LATS1: variants seen among roughly 807,000 people sequenced by gnomAD.
LATS1 encodes the protein large tumor suppressor kinase 1.
LATS1 carries 25 observed loss-of-function variants against 106.6 expected under a neutral mutation model. That is an observed-to-expected ratio of 0.23 (90% CI 0.17 to 0.33). The LOEUF (loss-of-function observed/expected upper bound fraction) is 0.33, where lower values mean the gene tolerates loss of function less well. Ranked by LOEUF, LATS1 falls within the 10% of genes least tolerant of loss-of-function variation. LATS1 has a pLI of 1.00. For missense variants in LATS1, 1,040 were observed against 1,382.6 expected (o/e 0.75, Z 3.93); for synonymous variants, 465 against 455.6 (o/e 1.02, Z -0.26).
At chr6:149,714,388 T>C (rs190204984) in intron 1 of LATS1, among the ~76,000 whole-genome samples, 28 of 152,328 alleles carry the variant, frequency 1.8e-4, no homozygotes, top group Middle Eastern at 3.4e-3. Flanking sequence ...GATGATACCA[T>C]GCCTGGTCCA....
Position 149,679,954 on chromosome 6 carries a change from A to G in LATS1, c.2514T>C (p.Arg838=). The G allele has an allele frequency of 1.2e-6, 2 of 1,614,112 alleles. No homozygotes were observed. Among genetic ancestry groups the G allele is most frequent in the Non-Finnish European group, 1.7e-6 (2 of 1,179,962 alleles). The change falls in exon 5 of 8, where the codon CGT becomes CGC. Residue 838 remains arginine (R), a synonymous_variant. Coordinates refer to ENST00000543571, the MANE Select transcript of LATS1 (RefSeq NM_004690.4). ...AGTCAGTCAATTTAATATGACCATC[A>G]CGATCAATCAAAATATTATCAGGTT... The part of the protein sequence containing the change: ...DIKPDNILID[R]DGHIKLTDFG...
intron 2 of LATS1, among the ~76,000 whole-genome samples, chr6:149,699,902 T>C (rs1783357320): frequency 1.3e-5 from 2 of 152,194 alleles, no homozygotes; most frequent in Non-Finnish European, 2.9e-5. Flanking sequence ...ATTTCATAAC[T>C]TCTCTTTGCT....
At chr6:149,690,513 T>C (rs959980723) in intron 3 of LATS1, among the ~76,000 whole-genome samples, 2 of 151,680 alleles carry the variant, frequency 1.3e-5, no homozygotes, top group Non-Finnish European at 2.9e-5. Context: ...GTGCCCAGCC[T>C]CAACTTATAT....
chr6:149,682,875 G>T, intron 4 of LATS1: 2 of 556,134 alleles, frequency 3.6e-6, no homozygotes, highest in South Asian at 3.2e-5. Flanking sequence ...TTTATTATAG[G>T]AAATTCTGAA....
intron 7 of LATS1, among the ~76,000 whole-genome samples, chr6:149,666,719 G>C (rs566305098): frequency 3.9e-5 from 6 of 152,082 alleles, no homozygotes; most frequent in South Asian, 2.1e-4. Flanking sequence ...GAGGTGGGCA[G>C]ATCACGAGGT....
Position 149,684,276 on chromosome 6 carries a change from G to C in LATS1, c.813C>G (p.Asn271Lys). Residue 271 changes from asparagine to lysine, a missense_variant, in exon 4 of 8, where the codon AAC (asparagine) becomes AAG (lysine). Physicochemically the swap from Asn to Lys is moderately conservative, Grantham distance 94. Around this residue, in one of 7 missense-constraint regions of LATS1, gnomAD observed 624 missense variants for 714.8 expected, o/e 0.87. Transcript: ENST00000543571. ...TTCCAGAATAGCGCTTTGTTTGAGA[G>C]TTTGGTTCCCATGAAGGGGGAGGTG... ...TTPPPPSWEP[N>K]SQTKRYSGNM... 1 of 1,613,980 alleles carries C rather than the reference G, an allele frequency of 6.2e-7. No individual in the cohort carries two copies. The highest frequency in any genetic ancestry group is 8.5e-7 in the Non-Finnish European group (1 of 1,179,992).
rs1416523866 is a variant in LATS1, at chr6:149,659,574, T to C, written c.*2155A>G. ...GGAGGAGACAGCACCTTAGTTTTCC[T>C]ACAACATAAATGTAACAAAGTTATC... On this transcript the variant is annotated 3_prime_UTR_variant, in exon 8 of 8. Coordinates refer to ENST00000543571, the MANE Select transcript of LATS1 (RefSeq NM_004690.4). 2.6e-5 allele frequency: 6 copies of C among 231,030 alleles called. No individual in the cohort carries two copies. The East Asian group carries it at 3.7e-4, about 14-fold the overall frequency. 14.3% of individuals were successfully genotyped at this position (231,030 alleles called of 1,614,324 possible). A position where few individuals can be genotyped will look rare whatever the true frequency, so the allele number is the denominator to read the frequency against.
At position 149,701,925 on chromosome 6, in the gene LATS1, G is replaced by C. The variant is rs1783484766; in HGVS notation, c.202C>G (p.Pro68Ala). Residue 68 changes from proline (P) to alanine (A), a missense_variant, in exon 2 of 8, where the codon CCA (proline) becomes GCA (alanine). Physicochemically the swap from Pro to Ala is conservative, Grantham distance 27. This residue lies in a region of LATS1 where 624 missense variants were observed against 714.8 expected (regional missense o/e 0.87). Transcript: ENST00000543571. ...TTATGATGCGTCCCAAATTTGGGTG[G>C]ATTTCTGACTTGTCGAGGATCTTCG... is the stretch of plus-strand genomic sequence containing the variant. ...STEDPRQVRN[P>A]PKFGTHHKAL... 6.2e-7 allele frequency: 1 copy of C among 1,614,012 alleles called. No homozygotes were observed. The highest frequency in any genetic ancestry group is 8.5e-7 in the Non-Finnish European group (1 of 1,180,014).
At chr6:149,702,972 CT>C (rs1438889104) in intron 1 of LATS1, among the ~76,000 whole-genome samples, 71 of 143,832 alleles carry the variant, frequency 4.9e-4, no homozygotes, top group Middle Eastern at 3.6e-3. Flanking sequence ...CGTGCCCAGC[CT>C]TTTTTTTTTT....
At chr6:149,676,505 T>C in intron 6 of LATS1, 50 bp downstream of exon 6, 1 of 1,559,914 alleles carries the variant, frequency 6.4e-7, no homozygotes, top group Non-Finnish European at 8.8e-7. Flanking sequence ...TAGTGTCGTT[T>C]TGGCTGGTCT....
At chr6:149,702,647 T>C (rs1783527957) in intron 1 of LATS1, among the ~76,000 whole-genome samples, 3 of 152,030 alleles carry the variant, frequency 2.0e-5, no homozygotes, top group Admixed American at 6.6e-5. Context: ...TAGAAGGGTA[T>C]TGTTGCTTTA....
Position 149,697,062 on chromosome 6 carries a change from G to A in LATS1, c.349-1841C>T, listed in dbSNP as rs776457889. ...TATCATGCAGAAAGTATGTTGACATGCATTTTTCAAGAGGGAGGCAACTAC... is the reference window on the plus strand; with the variant it reads ...TATCATGCAGAAAGTATGTTGACATACATTTTTCAAGAGGGAGGCAACTAC... On this transcript the variant is annotated intron_variant, in intron 2 of 7. Coordinates refer to ENST00000543571, the MANE Select transcript of LATS1 (RefSeq NM_004690.4). 15 of 884,560 alleles carry A rather than the reference G, an allele frequency of 1.7e-5. No individual in the cohort carries two copies. The African/African-American group carries it at 2.6e-4, about 15-fold the overall frequency. 54.8% of individuals were successfully genotyped at this position (884,560 alleles called of 1,614,324 possible). A position where few individuals can be genotyped will look rare whatever the true frequency, so the allele number is the denominator to read the frequency against.
Position 149,683,514 on chromosome 6 carries a change from T to C in LATS1, c.1575A>G (p.Gln525=), listed in dbSNP as rs748120476. 2 of 1,614,202 alleles carry C rather than the reference T, an allele frequency of 1.2e-6. No individual in the cohort carries two copies. The highest frequency in any genetic ancestry group is 2.2e-5 in the East Asian group (1 of 44,894). ...CAGGAAAAGGACTGGGTTGAACAGT[T>C]TGAATTGGCTGTGGTATCCAAGAAG... ...THPSWIPQPI[Q]TVQPSPFPEG... is the part of the protein sequence containing the mutation. Residue 525 remains glutamine (Q), a synonymous_variant, in exon 4 of 8, where the codon CAA becomes CAG. Coordinates refer to ENST00000543571, the MANE Select transcript of LATS1 (RefSeq NM_004690.4).
intron 3 of LATS1, among the ~76,000 whole-genome samples, chr6:149,690,213 CTTTTT>C (rs201743580): frequency 8.0e-6 from 1 of 125,476 alleles, no homozygotes; most frequent in South Asian, 2.5e-4. Flanking sequence ...TTCTTTTTTT[CTTTTT>C]TTTTTTTTTT....
chr6:149,688,805 C>T (rs1040384694), intron 3 of LATS1, among the ~76,000 whole-genome samples: 1 of 152,126 alleles, frequency 6.6e-6, no homozygotes, highest in African/African-American at 2.4e-5. Context: ...ACATAAATGG[C>T]ATCAAATGAT....
At chr6:149,672,847 G>A (rs1781512190) in intron 7 of LATS1, among the ~76,000 whole-genome samples, 2 of 151,876 alleles carry the variant, frequency 1.3e-5, no homozygotes. Flanking sequence ...AGGAGACTGA[G>A]GCAGGAGGCT....
chr6:149,717,337 A>G (rs1017879824), intron 1 of LATS1, among the ~76,000 whole-genome samples: 1 of 152,052 alleles, frequency 6.6e-6, no homozygotes, highest in Non-Finnish European at 1.5e-5. Flanking sequence ...CTCCATAAAG[A>G]CCTCTCCATC....
chr6:149,715,702 C>A (rs1055359866), intron 1 of LATS1, among the ~76,000 whole-genome samples: 1 of 152,110 alleles, frequency 6.6e-6, no homozygotes, highest in Admixed American at 6.5e-5. Flanking sequence ...AAAGAGAATA[C>A]ATATTTAAAA....
intron 2 of LATS1, among the ~76,000 whole-genome samples, chr6:149,697,774 G>A (rs191307696): frequency 4.0e-4 from 61 of 152,058 alleles, no homozygotes; most frequent in African/African-American, 1.4e-3. Context: ...ACTCGCTGTC[G>A]CCTGGGGTTG....
Sources: allele counts gnomAD v4.1 joint callset (sites outside exome capture counted in the v4.1 genomes callset), GRCh38; gene constraint gnomAD v4.1.1; regional missense constraint gnomAD v4.1.1; transcripts MANE v1.5; gene names NCBI Gene and HGNC (gene_info 2026-07-23, HGNC 2026-07-21).